The following NLGN4Y variants were observed in gnomAD, a reference collection of about 807,000 sequenced individuals.
NLGN4Y encodes neuroligin 4 Y-linked.
NLGN4Y carries 4 observed loss-of-function variants against 8.4 expected under a neutral mutation model. The observed-to-expected ratio is 0.48, with a 90% CI of 0.23 to 1.09. NLGN4Y has a LOEUF of 1.09. Among genes scored for constraint, NLGN4Y ranks in the 50% least tolerant of loss-of-function variants. The pLI is 0.19. For synonymous variants in NLGN4Y, 35 were observed against 75.6 expected, an observed-to-expected ratio of 0.46 and a Z score of 2.78; for missense variants, 90 against 192.3, an observed-to-expected ratio of 0.47 and a Z score of 3.15.
chrY:14,554,199 A>ATTTTTTTTTT, intron 1 of NLGN4Y, among the ~76,000 whole-genome samples: 1 of 7,786 alleles, frequency 1.3e-4, no homozygotes, highest in Non-Finnish European at 2.6e-4. Flanking sequence ...TTTTTCCTCT[A>ATTTTTTTTTT]TTTTTTTTTT....
At chrY:14,583,286 A>T (rs2080326095) in intron 1 of NLGN4Y, among the ~76,000 whole-genome samples, 1 of 33,667 alleles carries the variant, frequency 3.0e-5, no homozygotes, top group Non-Finnish European at 7.4e-5. Context: ...AGTGGTAGGT[A>T]AAAGGAAATC....
At chrY:14,681,515 C>T (rs2080770169) in intron 2 of NLGN4Y, among the ~76,000 whole-genome samples, 1 of 33,694 alleles carries the variant, frequency 3.0e-5, no homozygotes, top group African/African-American at 1.2e-4. Context: ...TAGAGCCAGA[C>T]CACATCACCT....
intron 4 of NLGN4Y, among the ~76,000 whole-genome samples, chrY:14,746,253 T>A: frequency 3.0e-5 from 1 of 33,499 alleles, no homozygotes. Context: ...TTGGGCTGAG[T>A]CTGTTTCTTC....
At chrY:14,785,492 G>A (rs2042959169) in intron 4 of NLGN4Y, among the ~76,000 whole-genome samples, 1 of 34,237 alleles carries the variant, frequency 2.9e-5, no homozygotes. Flanking sequence ...AAGTCCGGGC[G>A]CGGTGGCTCA....
At chrY:14,840,257 G>T (rs768577595) in intron 6 of NLGN4Y, among the ~76,000 whole-genome samples, 156 bp from the exon 7 acceptor site, 28 of 33,915 alleles carry the variant, frequency 8.3e-4, no homozygotes, top group African/African-American at 3.2e-3. Flanking sequence ...TGCCTAGGAT[G>T]AAAGCAGAAT....
At chrY:14,660,736 A>G in intron 2 of NLGN4Y, among the ~76,000 whole-genome samples, 1 of 32,257 alleles carries the variant, frequency 3.1e-5, no homozygotes, top group African/African-American at 1.2e-4. Context: ...ATAATTGAAA[A>G]TATCCTGTAA....
intron 2 of NLGN4Y, among the ~76,000 whole-genome samples, chrY:14,650,893 G>A (rs764303276): frequency 1.6e-4 from 5 of 32,028 alleles, no homozygotes; most frequent in South Asian, 7.3e-4. Flanking sequence ...GGCCTTACTC[G>A]CCTTCTGTCC....
intron 1 of NLGN4Y, among the ~76,000 whole-genome samples, chrY:14,567,766 G>A (rs1603499922): frequency 3.3e-5 from 1 of 30,751 alleles, no homozygotes; most frequent in East Asian, 8.6e-4. Flanking sequence ...GGAAATCCTG[G>A]GCTTGAGCAA....
At chrY:14,544,994 C>T (rs1603499185) in intron 1 of NLGN4Y, among the ~76,000 whole-genome samples, 1 of 26,627 alleles carries the variant, frequency 3.8e-5, no homozygotes, top group Non-Finnish European at 8.7e-5. Context: ...TGTGATCTCA[C>T]TGTTCAATTC....
chrY:14,535,796 A>T (rs966634827), intron 1 of NLGN4Y, among the ~76,000 whole-genome samples: 1 of 33,259 alleles, frequency 3.0e-5, no homozygotes, highest in East Asian at 7.9e-4. Flanking sequence ...CAACCTAGGT[A>T]GAGATCAAAT....
At chrY:14,768,607 C>T (rs781424922) in intron 4 of NLGN4Y, among the ~76,000 whole-genome samples, 1 of 32,474 alleles carries the variant, frequency 3.1e-5, no homozygotes, top group Admixed American at 2.9e-4. Context: ...CTGCAAAAGC[C>T]GTATAGCCCA....
At chrY:14,594,134 G>A (rs973647049) in intron 1 of NLGN4Y, among the ~76,000 whole-genome samples, 11 of 33,197 alleles carry the variant, frequency 3.3e-4, no homozygotes, top group Admixed American at 1.1e-3. Context: ...CCAGTATCCA[G>A]GAGGAAGTCA....
chrY:14,555,228 G>A, intron 1 of NLGN4Y, among the ~76,000 whole-genome samples: 3 of 33,281 alleles, frequency 9.0e-5, no homozygotes, highest in African/African-American at 3.5e-4. Context: ...ATTGCTGTAA[G>A]GAAATACAAT....
intron 4 of NLGN4Y, among the ~76,000 whole-genome samples, chrY:14,796,535 C>A (rs2043010492): frequency 4.1e-5 from 1 of 24,689 alleles, no homozygotes; most frequent in South Asian, 9.7e-4. Context: ...GCGGAGCTTG[C>A]AGCGAGCCGT....
chrY:14,703,545 A>T, intron 2 of NLGN4Y, among the ~76,000 whole-genome samples: 4 of 33,158 alleles, frequency 1.2e-4, no homozygotes, highest in African/African-American at 4.7e-4. Flanking sequence ...CCAGTACCGT[A>T]CTGTTTTGGT....
chrY:14,598,197 G>A, intron 1 of NLGN4Y, among the ~76,000 whole-genome samples: 1 of 34,988 alleles, frequency 2.9e-5, no homozygotes, highest in Admixed American at 2.5e-4. Context: ...CCATGCGCTG[G>A]CATTCCTCAG....
At chrY:14,602,380 C>T in intron 1 of NLGN4Y, among the ~76,000 whole-genome samples, 1 of 33,056 alleles carries the variant, frequency 3.0e-5, no homozygotes, top group African/African-American at 1.2e-4. Flanking sequence ...CACTGACAGA[C>T]CAGGAAAGAG....
intron 3 of NLGN4Y, among the ~76,000 whole-genome samples, chrY:14,720,818 A>G: frequency 8.9e-5 from 3 of 33,549 alleles, no homozygotes; most frequent in African/African-American, 3.5e-4. Context: ...TGCCTCAAGT[A>G]GCTCTCTAAG....
intron 2 of NLGN4Y, among the ~76,000 whole-genome samples, chrY:14,647,247 G>T: frequency 2.9e-5 from 1 of 34,037 alleles, no homozygotes; most frequent in Non-Finnish European, 7.3e-5. Flanking sequence ...TTTATCAGAT[G>T]ATTAGCATGC....
Sources: gnomAD v4.1 joint callset for allele counts (sites outside exome capture counted in the v4.1 genomes callset) on GRCh38, gnomAD v4.1.1 for gene constraint, MANE v1.5 for transcripts, NCBI Gene and HGNC (gene_info 2026-07-23, HGNC 2026-07-21) for gene names.